The following LOC128706666 variants were observed in gnomAD, a reference collection of about 807,000 sequenced individuals.
At chr20:10,427,628 T>C in the LOC128706666 span, among the ~76,000 whole-genome samples, 1 of 152,252 alleles carries the variant, frequency 6.6e-6, no homozygotes, top group Non-Finnish European at 1.5e-5. Context: ...GCATTTTTTC[T>C]GTGTACACAA....
the LOC128706666 span, among the ~76,000 whole-genome samples, chr20:10,433,798 G>A: frequency 6.6e-6 from 1 of 152,168 alleles, no homozygotes; most frequent in African/African-American, 2.4e-5. Flanking sequence ...CACAGGTTCG[G>A]CGTAGAAGGC....
At chr20:10,431,284 AAC>A in the LOC128706666 span, among the ~76,000 whole-genome samples, 3 of 152,138 alleles carry the variant, frequency 2.0e-5, no homozygotes, top group Admixed American at 2.0e-4. Flanking sequence ...GACAAATCCA[AAC>A]ACAGTCATGT....
chr20:10,428,805 T>C, the LOC128706666 span, among the ~76,000 whole-genome samples: 17 of 151,978 alleles, frequency 1.1e-4, no homozygotes, highest in East Asian at 1.4e-3. Flanking sequence ...GATCGCGCCA[T>C]TGCACTCCAG....
chr20:10,422,434 A>G, the LOC128706666 span, among the ~76,000 whole-genome samples: 16 of 152,190 alleles, frequency 1.1e-4, no homozygotes, highest in Non-Finnish European at 2.1e-4. Flanking sequence ...TGTGAAGTCC[A>G]AAGGCAAAAG....
chr20:10,430,958 AGTC>A, the LOC128706666 span, among the ~76,000 whole-genome samples: 1 of 152,200 alleles, frequency 6.6e-6, no homozygotes, highest in Admixed American at 6.5e-5. Context: ...CGAGAATCAA[AGTC>A]TAACCTCCAC....
At chr20:10,425,457 T>C in the LOC128706666 span, among the ~76,000 whole-genome samples, 1 of 152,244 alleles carries the variant, frequency 6.6e-6, no homozygotes, top group Non-Finnish European at 1.5e-5. Flanking sequence ...AAAAATTAAC[T>C]CATTTTTCAA....
chr20:10,433,318 T>C, the LOC128706666 span, among the ~76,000 whole-genome samples: 1 of 152,216 alleles, frequency 6.6e-6, no homozygotes. Context: ...CAAAATATTT[T>C]CTATCCGCAG....
At chr20:10,421,247 C>T in the LOC128706666 span, among the ~76,000 whole-genome samples, 1 of 151,874 alleles carries the variant, frequency 6.6e-6, no homozygotes, top group East Asian at 1.9e-4. Flanking sequence ...CTAGCCAACA[C>T]AGTGAAACAT....
chr20:10,421,707 T>C, the LOC128706666 span, among the ~76,000 whole-genome samples: 2 of 152,058 alleles, frequency 1.3e-5, no homozygotes, highest in Non-Finnish European at 2.9e-5. Flanking sequence ...TACAGGGTTA[T>C]CGACCTAGTT....
the LOC128706666 span, among the ~76,000 whole-genome samples, chr20:10,430,189 A>T: frequency 6.6e-6 from 1 of 152,232 alleles, no homozygotes; most frequent in African/African-American, 2.4e-5. Flanking sequence ...AGTTTTCAGA[A>T]AGTCAAGCAC....
the LOC128706666 span, among the ~76,000 whole-genome samples, chr20:10,430,899 G>A: frequency 1.3e-5 from 2 of 152,222 alleles, no homozygotes; most frequent in African/African-American, 4.8e-5. Flanking sequence ...CAGACACGCT[G>A]TTGGTCTGAA....
the LOC128706666 span, among the ~76,000 whole-genome samples, chr20:10,433,324 C>G: frequency 3.3e-5 from 5 of 152,142 alleles, no homozygotes; most frequent in African/African-American, 4.8e-5. Flanking sequence ...ATTTTCTATC[C>G]GCAGTTGGTT....
At chr20:10,427,000 T>A in the LOC128706666 span, among the ~76,000 whole-genome samples, 5 of 137,354 alleles carry the variant, frequency 3.6e-5, no homozygotes, top group Admixed American at 1.5e-4. Context: ...TCTTTTAGAG[T>A]AGCTTAAAGG....
chr20:10,421,850 G>A, the LOC128706666 span, among the ~76,000 whole-genome samples: 1 of 151,928 alleles, frequency 6.6e-6, no homozygotes, highest in Admixed American at 6.6e-5. Context: ...TTGATGATCT[G>A]TTGGGTTTGG....
chr20:10,413,890 CTTCT>C, the LOC128706666 span: 1 of 422,314 alleles, frequency 2.4e-6, no homozygotes, highest in Non-Finnish European at 4.2e-6. Context: ...TTTTTCATCT[CTTCT>C]TTCGATATGA....
the LOC128706666 span, among the ~76,000 whole-genome samples, chr20:10,415,378 G>T: frequency 1.3e-5 from 2 of 152,116 alleles, no homozygotes; most frequent in Admixed American, 6.5e-5. Flanking sequence ...GTGCAAAGAG[G>T]TGGGCAGAAC....
At chr20:10,433,452 A>G in the LOC128706666 span, among the ~76,000 whole-genome samples, 1 of 152,216 alleles carries the variant, frequency 6.6e-6, no homozygotes, top group African/African-American at 2.4e-5. Flanking sequence ...CTAACTCGGC[A>G]GTGCTGTAGA....
At chr20:10,426,027 CTT>C in the LOC128706666 span, among the ~76,000 whole-genome samples, 87 of 152,308 alleles carry the variant, frequency 5.7e-4, no homozygotes, top group African/African-American at 2.0e-3. Context: ...TAGAGGCAAT[CTT>C]AATGTGGATT....
At chr20:10,430,474 G>GA in the LOC128706666 span, among the ~76,000 whole-genome samples, 7 of 151,856 alleles carry the variant, frequency 4.6e-5, no homozygotes, top group African/African-American at 7.3e-5. Context: ...ATGTCAAAAA[G>GA]AAAAAAAACA....
Sources: allele counts gnomAD v4.1 joint callset (sites outside exome capture counted in the v4.1 genomes callset), GRCh38; gene constraint gnomAD v4.1.1; transcripts MANE v1.5.